Variants in GPBP1 observed in about 807,000 individuals in gnomAD.
GPBP1 encodes the protein vasculin.
Under a neutral mutation model 56.5 loss-of-function variants are expected in GPBP1, and 13 were observed. That is an observed-to-expected ratio of 0.23 (90% CI 0.15 to 0.37). The LOEUF is 0.37. Ranked by LOEUF, GPBP1 falls within the 10% of genes least tolerant of loss-of-function variation. GPBP1 has a pLI of 1.00. For synonymous variants in GPBP1, 204 were observed against 188.9 expected, an observed-to-expected ratio of 1.08 and a Z score of -0.66; for missense variants, 477 against 572.3, an observed-to-expected ratio of 0.83 and a Z score of 1.70.
At chr5:57,199,965 C>G (rs186478734) in intron 2 of GPBP1, among the ~76,000 whole-genome samples, 2 of 150,254 alleles carry the variant, frequency 1.3e-5, no homozygotes. Flanking sequence ...ATCTACCTGC[C>G]GCAAAGTGCT....
chr5:57,182,541 T>A (rs531129064), intron 2 of GPBP1, among the ~76,000 whole-genome samples: 1 of 150,700 alleles, frequency 6.6e-6, no homozygotes, highest in East Asian at 2.0e-4. Flanking sequence ...CTTAGCTAAT[T>A]TTTGTATTTT....
At chr5:57,255,807 T>C (rs1741631680) in intron 10 of GPBP1, among the ~76,000 whole-genome samples, 1 of 152,220 alleles carries the variant, frequency 6.6e-6, no homozygotes, top group East Asian at 1.9e-4. Context: ...GCAGAGCAGA[T>C]GTTTAGTGCA....
At chr5:57,203,670 A>C (rs1755111273) in intron 2 of GPBP1, among the ~76,000 whole-genome samples, 1 of 152,178 alleles carries the variant, frequency 6.6e-6, no homozygotes, top group African/African-American at 2.4e-5. Context: ...AGAGCATAGA[A>C]AGGTGCTGAC....
At chr5:57,223,705 C>T (rs1028071196) in intron 3 of GPBP1, among the ~76,000 whole-genome samples, 40 of 151,002 alleles carry the variant, frequency 2.6e-4, no homozygotes, top group African/African-American at 9.7e-4. Flanking sequence ...ATAGTCGCTT[C>T]TGGGTATAAT....
intron 3 of GPBP1, among the ~76,000 whole-genome samples, chr5:57,217,060 A>G (rs1305544758): frequency 2.6e-5 from 4 of 152,198 alleles, no homozygotes; most frequent in African/African-American, 9.6e-5. Context: ...AAAATTGTCT[A>G]TTTTTAAGAT....
At chr5:57,195,110 A>T (rs1036797313) in intron 2 of GPBP1, among the ~76,000 whole-genome samples, 1 of 152,034 alleles carries the variant, frequency 6.6e-6, no homozygotes, top group African/African-American at 2.4e-5. Context: ...TTTTCCATGT[A>T]TAAGATCAGT....
rs139865958 is a variant in GPBP1, at chr5:57,217,690, G to A, written c.63+3497G>A. ...CAATGCGAATGCAAAGAGCCAGTAT[G>A]ATTAAGAATATGACCATTTTCAGAA... is the stretch of plus-strand genomic sequence containing the variant. On this transcript the variant is annotated intron_variant, in intron 3 of 11. Transcript: ENST00000506184. 3.2e-3 allele frequency among the ~76,000 whole-genome samples: 484 copies of A among 152,168 alleles called. 4 individuals carry two copies. Among genetic ancestry groups the A allele is most frequent in the African/African-American group, 0.011 (459 of 41,528 alleles).
intron 10 of GPBP1, among the ~76,000 whole-genome samples, chr5:57,255,533 T>G (rs764109817): frequency 6.6e-6 from 1 of 152,110 alleles, no homozygotes; most frequent in African/African-American, 2.4e-5. Flanking sequence ...CACAAACATA[T>G]CAGATATTCT....
intron 2 of GPBP1, among the ~76,000 whole-genome samples, chr5:57,178,710 T>C (rs775230703): frequency 3.9e-5 from 6 of 152,258 alleles, no homozygotes; most frequent in Non-Finnish European, 8.8e-5. Context: ...ACAGATTTAC[T>C]TGAACGTTTT....
chr5:57,244,898 T>G (rs980865724), intron 6 of GPBP1, among the ~76,000 whole-genome samples: 4 of 152,086 alleles, frequency 2.6e-5, no homozygotes, highest in Admixed American at 6.5e-5. Context: ...CACGCCCCGC[T>G]AATTCCTTTT....
intron 3 of GPBP1, among the ~76,000 whole-genome samples, chr5:57,219,375 CAAAAAAAAAAA>C (rs869152603): frequency 8.5e-5 from 3 of 35,318 alleles, no homozygotes; most frequent in African/African-American, 1.1e-4. Flanking sequence ...GACTCTGTCT[CAAAAAAAAAAA>C]AAAAAAAAAA....
Position 57,256,596 on chromosome 5 carries a change from A to C in GPBP1, c.1161-4584A>C, listed in dbSNP as rs527494875. Among the ~76,000 whole-genome samples, 13 of 152,298 alleles carry C rather than the reference A, an allele frequency of 8.5e-5. No homozygotes were observed. In the South Asian group the frequency reaches 2.5e-3, roughly 29 times the overall value. On this transcript the variant is annotated intron_variant, in intron 10 of 11. Coordinates refer to ENST00000506184, the MANE Select transcript of GPBP1 (RefSeq NM_022913.4). The stretch of plus-strand genomic sequence containing the variant: ...GACATGAAGATGAAGGGGGCAAACA[A>C]TAAGAACATTTTGTTATTTGCCAAG...
At chr5:57,202,363 G>A (rs1280126601) in intron 2 of GPBP1, among the ~76,000 whole-genome samples, 7 of 151,980 alleles carry the variant, frequency 4.6e-5, no homozygotes, top group South Asian at 2.1e-4. Context: ...ATCTTGGCTC[G>A]CTGCAAGCTT....
At chr5:57,242,199 T>C (rs374731043) in intron 6 of GPBP1, among the ~76,000 whole-genome samples, 1 of 152,214 alleles carries the variant, frequency 6.6e-6, no homozygotes, top group African/African-American at 2.4e-5. Flanking sequence ...CCCTCTGATA[T>C]CTAATTGCAG....
chr5:57,175,519 C>A lies in GPBP1; in HGVS notation c.-939C>A. 2.5e-6 allele frequency: 1 copy of A among 398,330 alleles called. No individual in the cohort carries two copies. The highest frequency in any genetic ancestry group is 4.4e-6 in the Non-Finnish European group (1 of 226,002). 24.7% of individuals were successfully genotyped at this position (398,330 alleles called of 1,614,324 possible). A position where few individuals can be genotyped will look rare whatever the true frequency, so the allele number is the denominator to read the frequency against. On this transcript the variant is annotated 5_prime_UTR_variant, in exon 2 of 12. Transcript: ENST00000506184. ...AAAAGGCCCTGGATATTTTAAGTGG[C>A]CATTTTGGATTTACAGTGTTTTTGG... is the stretch of plus-strand genomic sequence containing the variant.
chr5:57,216,405 T>C (rs6869168), intron 3 of GPBP1, among the ~76,000 whole-genome samples: 96,612 of 151,932 alleles, frequency 0.64, 31,394 homozygotes, highest in East Asian at 0.98. Flanking sequence ...TGAACAAGTA[T>C]AACTGGGGAA....
chr5:57,200,407 T>C (rs1754962761), intron 2 of GPBP1, among the ~76,000 whole-genome samples: 1 of 131,008 alleles, frequency 7.6e-6, no homozygotes, highest in South Asian at 2.6e-4. Flanking sequence ...TCATACTGTC[T>C]CCCAGCCTGG....
At chr5:57,258,561 G>T (rs989223383) in intron 10 of GPBP1, among the ~76,000 whole-genome samples, 1 of 152,218 alleles carries the variant, frequency 6.6e-6, no homozygotes, top group African/African-American at 2.4e-5. Context: ...TGCATCATAT[G>T]TGCGGTTGTC....
At chr5:57,255,533 T>C (rs764109817) in intron 10 of GPBP1, among the ~76,000 whole-genome samples, 3 of 152,228 alleles carry the variant, frequency 2.0e-5, no homozygotes, top group South Asian at 4.1e-4. Flanking sequence ...CACAAACATA[T>C]CAGATATTCT....
Sources: allele counts gnomAD v4.1 joint callset (sites outside exome capture counted in the v4.1 genomes callset), GRCh38; gene constraint gnomAD v4.1.1; transcripts MANE v1.5; gene names NCBI Gene and HGNC (gene_info 2026-07-23, HGNC 2026-07-21).